The following RIMS1 variants were observed in gnomAD, a reference collection of about 807,000 sequenced individuals.
The protein encoded by RIMS1 is regulating synaptic membrane exocytosis protein 1.
A neutral mutation model predicts 214.1 loss-of-function variants in RIMS1; 83 were observed. The ratio of observed to expected loss-of-function variants is 0.39; its 90% confidence interval spans 0.32 to 0.47. The LOEUF (loss-of-function observed/expected upper bound fraction) is 0.47. Ranked by LOEUF, RIMS1 falls within the 20% of genes least tolerant of loss-of-function variation. The pLI is 0.99. For missense variants in RIMS1, 2,050 were observed against 2,161.8 expected (o/e 0.95, Z 1.03); for synonymous variants, 793 against 786.8 (o/e 1.01, Z -0.13).
chr6:71,951,292 C>T (rs759015149), intron 1 of RIMS1, among the ~76,000 whole-genome samples: 5 of 151,876 alleles, frequency 3.3e-5, no homozygotes, highest in South Asian at 2.1e-4. Context: ...CTCTTTATTG[C>T]GGGAGGTTTT....
chr6:72,123,900 C>G (rs1349749075), intron 4 of RIMS1, among the ~76,000 whole-genome samples: 1 of 151,946 alleles, frequency 6.6e-6, no homozygotes, highest in South Asian at 2.1e-4. Flanking sequence ...GAATACAGCA[C>G]ACTGATGGGT....
intron 5 of RIMS1, among the ~76,000 whole-genome samples, chr6:72,181,573 G>A (rs997375194): frequency 6.6e-6 from 1 of 152,158 alleles, no homozygotes; most frequent in Non-Finnish European, 1.5e-5. Flanking sequence ...GATACTTTTT[G>A]TTCTGACTTT....
intron 2 of RIMS1, among the ~76,000 whole-genome samples, chr6:72,018,869 G>A (rs1349752820): frequency 1.3e-5 from 2 of 152,150 alleles, no homozygotes; most frequent in African/African-American, 2.4e-5. Flanking sequence ...AAGGAATTAT[G>A]TGCCATATCT....
At position 72,009,181 on chromosome 6, in the gene RIMS1, A is replaced by T. The variant is rs1157340541; in HGVS notation, c.245+40118A>T. 1.4e-4 allele frequency among the ~76,000 whole-genome samples: 22 copies of T among 152,192 alleles called. No homozygotes were observed. The South Asian group carries it at 1.9e-3, about 13-fold the overall frequency. On this transcript the variant is annotated intron_variant, in intron 2 of 33. Transcript: ENST00000521978. ...CAGGATTAAGAAACTCACTCAAAAC[A>T]GCTCAACTACATGGAAACTGAACAA... is the stretch of plus-strand genomic sequence containing the variant.
intron 28 of RIMS1, among the ~76,000 whole-genome samples, chr6:72,322,699 A>G (rs971903098): frequency 6.6e-6 from 1 of 152,092 alleles, no homozygotes; most frequent in African/African-American, 2.4e-5. Context: ...GGAAAACACA[A>G]GGTAAGTGGT....
intron 2 of RIMS1, among the ~76,000 whole-genome samples, chr6:72,043,453 G>T (rs530975730): frequency 6.6e-6 from 1 of 151,762 alleles, no homozygotes; most frequent in Admixed American, 6.6e-5. Context: ...TGAGTGTGAG[G>T]AAGGAGGTCA....
At chr6:72,003,103 A>G (rs1805893843) in intron 2 of RIMS1, among the ~76,000 whole-genome samples, 1 of 152,148 alleles carries the variant, frequency 6.6e-6, no homozygotes. Flanking sequence ...AAGTAGGGGA[A>G]GAGATGAGGG....
intron 9 of RIMS1, among the ~76,000 whole-genome samples, chr6:72,241,352 G>T (rs1003227756): frequency 6.6e-6 from 1 of 152,108 alleles, no homozygotes; most frequent in African/African-American, 2.4e-5. Context: ...GTGCATCGAG[G>T]TTGAAATATT....
chr6:72,134,170 T>C (rs2040897140), intron 4 of RIMS1, among the ~76,000 whole-genome samples: 1 of 152,128 alleles, frequency 6.6e-6, no homozygotes, highest in African/African-American at 2.4e-5. Flanking sequence ...GTATCCTAAA[T>C]CATAAACCAT....
rs542882254 is a variant in RIMS1, at chr6:72,142,186, GA to G, written c.472-37380del. On this transcript the variant is annotated intron_variant, in intron 4 of 33. Coordinates refer to ENST00000521978, the MANE Select transcript of RIMS1 (RefSeq NM_014989.7). ...ATTTAATATTTTATCTCTTCTGGCAGAAAAAAAAATCATTGGGTTAACCATT... is the reference window on the plus strand; with the variant it reads ...ATTTAATATTTTATCTCTTCTGGCAGAAAAAAAATCATTGGGTTAACCATT... 3.1e-3 allele frequency among the ~76,000 whole-genome samples: 460 copies of G among 150,414 alleles called. 2 individuals are homozygous for G. Among genetic ancestry groups the G allele is most frequent in the African/African-American group, 0.011 (437 of 41,106 alleles).
At chr6:72,186,856 C>T (rs964003311) in intron 6 of RIMS1, among the ~76,000 whole-genome samples, 1 of 150,926 alleles carries the variant, frequency 6.6e-6, no homozygotes, top group African/African-American at 2.4e-5. Context: ...TCTGGCCGGG[C>T]GCAGTGGCTC....
At chr6:72,064,430 G>T (rs1263631250) in intron 2 of RIMS1, among the ~76,000 whole-genome samples, 2 of 152,154 alleles carry the variant, frequency 1.3e-5, no homozygotes, top group Non-Finnish European at 2.9e-5. Flanking sequence ...TGGGAGTTAG[G>T]ACTTCAGCAT....
chr6:71,926,670 C>G (rs1276971307), intron 1 of RIMS1, among the ~76,000 whole-genome samples: 5 of 152,100 alleles, frequency 3.3e-5, no homozygotes. Context: ...AGTTAATGAA[C>G]AAACCTATTA....
At chr6:72,127,246 C>A (rs1368408078) in intron 4 of RIMS1, among the ~76,000 whole-genome samples, 2 of 151,730 alleles carry the variant, frequency 1.3e-5, no homozygotes, top group African/African-American at 4.8e-5. Flanking sequence ...CTTCAATTTA[C>A]TTCACCAACT....
intron 6 of RIMS1, among the ~76,000 whole-genome samples, chr6:72,208,682 A>G (rs2154002855): frequency 6.6e-6 from 1 of 152,332 alleles, no homozygotes; most frequent in Non-Finnish European, 1.5e-5. Flanking sequence ...GAAGTTAAAA[A>G]TTGGAGGAGA....
At chr6:71,975,236 C>CT (rs1378051891) in intron 2 of RIMS1, among the ~76,000 whole-genome samples, 1 of 152,064 alleles carries the variant, frequency 6.6e-6, no homozygotes, top group Non-Finnish European at 1.5e-5. Context: ...GATTGGAGGA[C>CT]TTAAGAAAAT....
chr6:72,088,675 C>A (rs567569004), intron 2 of RIMS1, among the ~76,000 whole-genome samples: 1 of 152,220 alleles, frequency 6.6e-6, no homozygotes, highest in South Asian at 2.1e-4. Flanking sequence ...TTAGTAGGTA[C>A]TTTTCAGACA....
At chr6:72,079,793 G>C (rs1832831075) in intron 2 of RIMS1, among the ~76,000 whole-genome samples, 1 of 151,978 alleles carries the variant, frequency 6.6e-6, no homozygotes, top group South Asian at 2.1e-4. Context: ...GCTGACATGG[G>C]AGGATTGCCT....
At chr6:71,897,618 A>C (rs1772221553) in intron 1 of RIMS1, among the ~76,000 whole-genome samples, 1 of 152,090 alleles carries the variant, frequency 6.6e-6, no homozygotes, top group Non-Finnish European at 1.5e-5. Context: ...ATCTTCCCAG[A>C]CTTCTCAAAT....
Sources: gnomAD v4.1 joint callset for allele counts (sites outside exome capture counted in the v4.1 genomes callset) on GRCh38, gnomAD v4.1.1 for gene constraint, MANE v1.5 for transcripts, NCBI Gene and HGNC (gene_info 2026-07-23, HGNC 2026-07-21) for gene names.